DDX10: variants seen among roughly 807,000 people sequenced by gnomAD.
DDX10 encodes the protein probable ATP-dependent RNA helicase DDX10.
DDX10 carries 74 observed loss-of-function variants against 104.3 expected under a neutral mutation model. The observed-to-expected ratio is 0.71, with a 90% CI of 0.59 to 0.86. The LOEUF is 0.86. Ranked by LOEUF, DDX10 falls within the 40% of genes least tolerant of loss-of-function variation. The probability of loss-of-function intolerance (pLI) is 0.00; values close to 1 mark genes in which losing one functional copy is unlikely to be tolerated. For missense variants in DDX10, 952 were observed against 1,040.0 expected, an observed-to-expected ratio of 0.92 and a Z score of 1.16; for synonymous variants, 351 against 353.4, an observed-to-expected ratio of 0.99 and a Z score of 0.08.
chr11:108,929,902 T>C (rs568470826), intron 17 of DDX10, among the ~76,000 whole-genome samples: 46 of 152,330 alleles, frequency 3.0e-4, no homozygotes, highest in African/African-American at 1.0e-3. Context: ...GTGAAAAATA[T>C]AGTTTTCATA....
intron 13 of DDX10, among the ~76,000 whole-genome samples, chr11:108,746,562 C>G (rs1027651328): frequency 2.7e-5 from 4 of 149,166 alleles, no homozygotes; most frequent in African/African-American, 9.7e-5. Context: ...GTATATACAC[C>G]TAGAAGTGCA....
chr11:108,735,920 C>G (rs747990232), intron 13 of DDX10, among the ~76,000 whole-genome samples: 1 of 151,960 alleles, frequency 6.6e-6, no homozygotes, highest in Non-Finnish European at 1.5e-5. Flanking sequence ...TTAAGAAATG[C>G]CTATTGTTTA....
chr11:108,732,685 C>T (rs1163510880), intron 13 of DDX10, among the ~76,000 whole-genome samples: 1 of 152,012 alleles, frequency 6.6e-6, no homozygotes, highest in Non-Finnish European at 1.5e-5. Context: ...CAGGAGAGAG[C>T]GCAGGTGTAG....
At chr11:108,741,630 C>T (rs2094325332) in intron 13 of DDX10, among the ~76,000 whole-genome samples, 1 of 152,026 alleles carries the variant, frequency 6.6e-6, no homozygotes, top group African/African-American at 2.4e-5. Flanking sequence ...AGGAATGCTG[C>T]TAGTTTTTAT....
chr11:108,870,215 T>C (rs979291915), intron 16 of DDX10, among the ~76,000 whole-genome samples: 2 of 152,178 alleles, frequency 1.3e-5, no homozygotes, highest in African/African-American at 4.8e-5. Flanking sequence ...ATCATCCAAG[T>C]CACCATAATC....
intron 13 of DDX10, among the ~76,000 whole-genome samples, chr11:108,794,694 A>G (rs1483141032): frequency 6.6e-6 from 1 of 151,962 alleles, no homozygotes; most frequent in African/African-American, 2.4e-5. Flanking sequence ...TGTTAAACCA[A>G]CTTTTCTTTC....
At chr11:108,856,387 C>T (rs547176302) in intron 16 of DDX10, among the ~76,000 whole-genome samples, 19 of 152,002 alleles carry the variant, frequency 1.2e-4, no homozygotes, top group South Asian at 2.1e-4. Context: ...GCCGAGATTA[C>T]GCCACTGCAG....
At chr11:108,671,512 A>G (rs1399801718) in intron 1 of DDX10, among the ~76,000 whole-genome samples, 2 of 152,216 alleles carry the variant, frequency 1.3e-5, no homozygotes, top group South Asian at 2.1e-4. Context: ...TGTGGCTGCT[A>G]TGTAATCCTT....
chr11:108,757,794 T>C (rs756720631), intron 13 of DDX10, among the ~76,000 whole-genome samples: 1 of 152,070 alleles, frequency 6.6e-6, no homozygotes, highest in Non-Finnish European at 1.5e-5. Context: ...TGGTTCATTT[T>C]CTTACTGTCT....
At chr11:108,801,270 G>A (rs545929812) in intron 13 of DDX10, among the ~76,000 whole-genome samples, 3 of 152,294 alleles carry the variant, frequency 2.0e-5, no homozygotes, top group East Asian at 3.9e-4. Flanking sequence ...AACCTGTGAC[G>A]AGAAATGACA....
At chr11:108,673,284 C>T (rs577704795) in intron 1 of DDX10, among the ~76,000 whole-genome samples, 183 bp from the exon 2 acceptor site, 1 of 152,000 alleles carries the variant, frequency 6.6e-6, no homozygotes, top group African/African-American at 2.4e-5. Context: ...AATGTATATT[C>T]GATTCAGGGA....
intron 13 of DDX10, among the ~76,000 whole-genome samples, chr11:108,735,050 C>A (rs2094316701): frequency 6.6e-6 from 1 of 152,180 alleles, no homozygotes; most frequent in Non-Finnish European, 1.5e-5. Context: ...TTCTTTTCAA[C>A]ACTTTTAAAT....
At chr11:108,786,482 G>A (rs758637663) in intron 13 of DDX10, among the ~76,000 whole-genome samples, 4 of 151,416 alleles carry the variant, frequency 2.6e-5, no homozygotes, top group South Asian at 2.1e-4. Context: ...TAATAATGGC[G>A]GTGTAAGTGT....
rs116630278 is a variant in DDX10 at position 108,739,973 on chromosome 11, C to T, written c.1965+16511C>T. On this transcript the variant is annotated intron_variant, in intron 13 of 17. Transcript: ENST00000322536. ...GTTTTCGTGAGAAGTTTTGGCTACCCACCTTTTTTTTTTTTTTTTGAAAAA... is the reference window on the plus strand; with the variant it reads ...GTTTTCGTGAGAAGTTTTGGCTACCTACCTTTTTTTTTTTTTTTTGAAAAA... Among the ~76,000 whole-genome samples the T allele has an allele frequency of 8.7e-3, 1,286 of 148,260 alleles. 20 individuals carry two copies. The highest frequency in any genetic ancestry group is 0.029 in the African/African-American group (1,178 of 40,544).
intron 13 of DDX10, among the ~76,000 whole-genome samples, chr11:108,808,142 C>T (rs1040782801): frequency 6.6e-6 from 1 of 152,020 alleles, no homozygotes; most frequent in East Asian, 1.9e-4. Context: ...TTTTACAAAA[C>T]GCTTAGTTAA....
intron 13 of DDX10, among the ~76,000 whole-genome samples, chr11:108,781,007 C>T (rs36034048): frequency 0.14 from 20,774 of 152,006 alleles, 1,559 homozygotes; most frequent in East Asian, 0.25. Flanking sequence ...TGTATTGGAC[C>T]TTGTAGTGAG....
At chr11:108,748,100 C>A (rs112316613) in intron 13 of DDX10, among the ~76,000 whole-genome samples, 13 of 152,224 alleles carry the variant, frequency 8.5e-5, no homozygotes, top group African/African-American at 2.9e-4. Context: ...TTAGAAGGGA[C>A]TTGAAACTTA....
chr11:108,701,611 A>G, intron 9 of DDX10, among the ~76,000 whole-genome samples: 1 of 151,688 alleles, frequency 6.6e-6, no homozygotes, highest in Non-Finnish European at 1.5e-5. Flanking sequence ...AGCTAATAGT[A>G]CAACAGGACT....
intron 13 of DDX10, among the ~76,000 whole-genome samples, chr11:108,804,227 T>C (rs756177446): frequency 2.6e-5 from 4 of 152,078 alleles, no homozygotes; most frequent in Non-Finnish European, 5.9e-5. Context: ...GCCAGGCATG[T>C]TGGCTGGTGC....
Sources: allele counts gnomAD v4.1 joint callset (sites outside exome capture counted in the v4.1 genomes callset), GRCh38; gene constraint gnomAD v4.1.1; transcripts MANE v1.5; gene names NCBI Gene and HGNC (gene_info 2026-07-23, HGNC 2026-07-21).